NGB: variants seen among roughly 807,000 people sequenced by gnomAD.
NGB encodes nitrite reductase.
In NGB, 12 loss-of-function variants were observed where a neutral mutation model predicts 17.3. The observed-to-expected ratio is 0.69, with a 90% CI of 0.45 to 1.13. The LOEUF is 1.13. Among genes scored for constraint, NGB ranks in the 50% most tolerant of loss-of-function variants. NGB has a pLI of 0.00. For synonymous variants in NGB, 87 were observed against 81.0 expected (o/e 1.07, Z -0.40); for missense variants, 195 against 191.7 (o/e 1.02, Z -0.10).
Position 77,271,010 on chromosome 14 carries a change from A to ATCTCCTCCGCGACGCGG in NGB, c.-90_-74dup, listed in dbSNP as rs1889769860. 9.4e-6 allele frequency: 11 copies of ATCTCCTCCGCGACGCGG among 1,165,492 alleles called. No homozygotes were observed. The highest frequency in any genetic ancestry group is 2.9e-4 in the Middle Eastern group (1 of 3,494). 72.2% of individuals were successfully genotyped at this position (1,165,492 alleles called of 1,614,324 possible). On this transcript the variant is annotated 5_prime_UTR_variant, in exon 1 of 4. In the 5' UTR this introduces an upstream ATG that the reference lacks. Coordinates refer to ENST00000298352, the MANE Select transcript of NGB (RefSeq NM_021257.4). ...GTGCCGTCACCGCACGTGCCGCGCCATCTCCTCCGCGACGCGGTCCCCTCC... is the reference window on the plus strand; with the variant it reads ...GTGCCGTCACCGCACGTGCCGCGCCATCTCCTCCGCGACGCGGTCTCCTCCGCGACGCGGTCCCCTCC...
chr14:77,270,821 C>G, intron 1 of NGB, 28 bp downstream of exon 1: 1 of 1,537,050 alleles, frequency 6.5e-7, no homozygotes, highest in Non-Finnish European at 8.8e-7. Flanking sequence ...CCTCCACCCG[C>G]ATCCCCGGGC....
chr14:77,270,065 G>A (rs1399028267), intron 1 of NGB, among the ~76,000 whole-genome samples: 1 of 151,922 alleles, frequency 6.6e-6, no homozygotes, highest in East Asian at 1.9e-4. Context: ...AGGTCTCACC[G>A]GGTAACTGAA....
chr14:77,268,240 T>C (rs1889700093), intron 3 of NGB, among the ~76,000 whole-genome samples: 1 of 152,098 alleles, frequency 6.6e-6, no homozygotes, highest in Non-Finnish European at 1.5e-5. Context: ...AAAAGCTTGT[T>C]AATTTTTATG....
At chr14:77,269,512 T>C (rs981825944) in intron 1 of NGB, among the ~76,000 whole-genome samples, 186 bp from the exon 2 acceptor site, 14 of 152,114 alleles carry the variant, frequency 9.2e-5, no homozygotes, top group Non-Finnish European at 1.9e-4. Flanking sequence ...TCATGCCTTC[T>C]ACTGGCTCTG....
chr14:77,270,656 C>T (rs1017509587), intron 1 of NGB, among the ~76,000 whole-genome samples, 193 bp downstream of exon 1: 1 of 152,216 alleles, frequency 6.6e-6, no homozygotes, highest in African/African-American at 2.4e-5. Flanking sequence ...CAACAGGCGC[C>T]CACGGTCGAG....
In NGB at chr14:77,266,572, T is replaced by C. The variant is rs1566636582; in HGVS notation, c.420A>G (p.Val140=). 6.2e-7 allele frequency: 1 copy of C among 1,614,146 alleles called. No homozygotes were observed. The highest frequency in any genetic ancestry group is 8.5e-7 in the Non-Finnish European group (1 of 1,180,028). ...CCCAGCCTCGACTCATGGCCTGCAC[T>C]ACGGCCCCGTAGAGTTGGCTCCAGG... The part of the protein sequence containing the change: ...RAAWSQLYGA[V]VQAMSRGWDG... The change falls in exon 4 of 4, where the codon GTA becomes GTG. Residue 140 remains valine, a synonymous_variant. Coordinates refer to ENST00000298352, the MANE Select transcript of NGB (RefSeq NM_021257.4).
At position 77,265,984 on chromosome 14, in the gene NGB, C is replaced by A; in HGVS notation, c.*552G>T. 3.5e-6 allele frequency: 1 copy of A among 287,204 alleles called. No individual in the cohort carries two copies. The highest frequency in any genetic ancestry group is 2.2e-5 in the African/African-American group (1 of 46,220). The allele number at this position is 287,204 out of a possible 1,614,324, so 17.8% of individuals were successfully genotyped here. A position where few individuals can be genotyped will look rare whatever the true frequency, so the allele number is the denominator to read the frequency against. On this transcript the variant is annotated 3_prime_UTR_variant, in exon 4 of 4. Transcript: ENST00000298352. The surrounding 1 kb of genome is among the most constrained non-coding windows in gnomAD (Gnocchi z 4.7). ...CCATTGAGACCCAGGTCCCCCTTCC[C>A]TTCCCTGGCAGTTCTGATTCTGCTC...
Position 77,270,879 on chromosome 14 carries a change from G to A in NGB, c.59C>T (p.Pro20Leu), listed in dbSNP as rs1411435104. Residue 20 changes from proline (P) to leucine (L), a missense_variant, in exon 1 of 4, where the codon CCG becomes CTG. By Grantham distance (98) the Pro-to-Leu change is moderately conservative. Coordinates refer to ENST00000298352, the MANE Select transcript of NGB (RefSeq NM_021257.4). Reference sequence around the variant, plus strand: ...AAACAGGACGGTGCCGTGCTCCAGCGGGCTGCGGCTCACTGCCCGCCAGCT... The same window carrying A: ...AAACAGGACGGTGCCGTGCTCCAGCAGGCTGCGGCTCACTGCCCGCCAGCT... ...RQSWRAVSRS[P>L]LEHGTVLFAR... 3.2e-6 allele frequency: 5 copies of A among 1,586,140 alleles called. No individual in the cohort carries two copies. Among genetic ancestry groups the A allele is most frequent in the East Asian group, 2.3e-5 (1 of 43,822 alleles).
At chr14:77,268,799 C>A (rs1305861782) in intron 2 of NGB, among the ~76,000 whole-genome samples, 3 of 152,196 alleles carry the variant, frequency 2.0e-5, no homozygotes, top group Non-Finnish European at 4.4e-5. Flanking sequence ...ATGAAGGAAG[C>A]CTCTCTCCTC....
chr14:77,270,907 G>A lies in NGB; in HGVS notation c.31C>T (p.Gln11Ter), dbSNP rs762200098. Reference protein sequence around the residue: MERPEPELIRQSWRAVSRSPL... With the variant: MERPEPELIR ...CTGCGGCTCACTGCCCGCCAGCTCT[G>A]CCGGATCAGCTCGGGCTCCGGGCGC... Residue 11 changes from glutamine (Q) to a stop codon, truncating the protein, a stop_gained, in exon 1 of 4, where the codon CAG becomes TAG. Transcript: ENST00000298352. LOFTEE classifies it high-confidence loss of function. 1.3e-6 allele frequency: 2 copies of A among 1,578,536 alleles called. No individual in the cohort carries two copies. The highest frequency in any genetic ancestry group is 1.4e-5 in the African/African-American group (1 of 73,676).
intron 2 of NGB, 105 bp from the exon 3 acceptor site, chr14:77,268,690 G>A: frequency 5.4e-6 from 8 of 1,472,666 alleles, no homozygotes; most frequent in Non-Finnish European, 5.6e-6. Context: ...AGGCCAGTAG[G>A]ACCCTCAGTT....
intron 1 of NGB, among the ~76,000 whole-genome samples, chr14:77,270,494 G>T (rs1889757271): frequency 6.6e-6 from 1 of 152,190 alleles, no homozygotes; most frequent in African/African-American, 2.4e-5. Context: ...CCCTGCAGTC[G>T]CTACCTAAGG....
chr14:77,265,812 C>A lies in NGB; in HGVS notation c.*724G>T. ...CCTTCCTGGCCGGTCCCCAGCCCCT[C>A]CCCACCTGGCCAGCTAGCTGGGTTC... On this transcript the variant is annotated 3_prime_UTR_variant, in exon 4 of 4. Transcript: ENST00000298352. The surrounding 1 kb of genome is among the most constrained non-coding windows in gnomAD (Gnocchi z 4.7). 1 of 164,264 alleles carries A rather than the reference C, an allele frequency of 6.1e-6. No individual in the cohort carries two copies. 10.2% of individuals were successfully genotyped at this position (164,264 alleles called of 1,614,324 possible). A position where few individuals can be genotyped will look rare whatever the true frequency, so the allele number is the denominator to read the frequency against.
intron 1 of NGB, 72 bp from the exon 2 acceptor site, chr14:77,269,398 T>G (rs1321958429): frequency 2.8e-6 from 3 of 1,077,386 alleles, no homozygotes; most frequent in Non-Finnish European, 2.7e-6. Context: ...CTGGCTGTCC[T>G]GCAGTCAGCG....
rs1422459049 is a variant in NGB, at chr14:77,271,069, G to A, written c.-132C>T. 2 of 613,696 alleles carry A rather than the reference G, an allele frequency of 3.3e-6. No individual in the cohort carries two copies. The highest frequency in any genetic ancestry group is 3.9e-5 in the African/African-American group (2 of 50,664). The allele number at this position is 613,696 out of a possible 1,614,324, so 38.0% of individuals were successfully genotyped here. On this transcript the variant is annotated 5_prime_UTR_variant, in exon 1 of 4. Coordinates refer to ENST00000298352, the MANE Select transcript of NGB (RefSeq NM_021257.4). ...TACGCCCCCCGTGCCTCCGCCCGGC[G>A]GGGGCCGCAGCCGCTCCTTCCCTGG...
chr14:77,266,752 G>A lies in NGB; in HGVS notation c.322-82C>T, dbSNP rs1237702352. The A allele has an allele frequency of 2.7e-6, 4 of 1,493,714 alleles. No individual in the cohort carries two copies. In the Admixed American group the frequency reaches 6.1e-5, roughly 23 times the overall value. 92.5% of individuals were successfully genotyped at this position (1,493,714 alleles called of 1,614,324 possible). A position where few individuals can be genotyped will look rare whatever the true frequency, so the allele number is the denominator to read the frequency against. ...CCACAGGTGAGAAAACTGAGGCCTA[G>A]GACTGATTAGGGCTCCTGGGCCTTT... On this transcript the variant is annotated intron_variant, in intron 3 of 3. Coordinates refer to ENST00000298352, the MANE Select transcript of NGB (RefSeq NM_021257.4).
chr14:77,266,774 CT>C (rs28909968), intron 3 of NGB, 104 bp from the exon 4 acceptor site: 287,715 of 1,302,502 alleles, frequency 0.22, 34,935 homozygotes, highest in East Asian at 0.48. Flanking sequence ...GCTCCTGGGC[CT>C]TTTTTCCTCT....
chr14:77,269,681 T>C (rs1330850300), intron 1 of NGB, among the ~76,000 whole-genome samples: 5 of 1,026 alleles, frequency 4.9e-3, no homozygotes, highest in Non-Finnish European at 0.014. Context: ...TCTCTCTCTC[T>C]CTCTCTCTCT....
chr14:77,267,088 G>A (rs1889683930), intron 3 of NGB, among the ~76,000 whole-genome samples: 1 of 152,220 alleles, frequency 6.6e-6, no homozygotes, highest in African/African-American at 2.4e-5. Flanking sequence ...CCCTTCATCA[G>A]CTGGGTGACC....
Sources: allele counts gnomAD v4.1 joint callset (sites outside exome capture counted in the v4.1 genomes callset), GRCh38; gene constraint gnomAD v4.1.1; non-coding constraint Gnocchi (gnomAD v3.1); transcripts MANE v1.5; gene names NCBI Gene and HGNC (gene_info 2026-07-23, HGNC 2026-07-21).